The following PPIP5K1 variants were observed in gnomAD, a reference collection of about 807,000 sequenced individuals.
The protein encoded by PPIP5K1 is diphosphoinositol pentakisphosphate kinase 1, also known as inositol hexakisphosphate and diphosphoinositol-pentakisphosphate kinase 1.
In PPIP5K1, 6 loss-of-function variants were observed where a neutral mutation model predicts 27.7. That is an observed-to-expected ratio of 0.22 (90% confidence interval 0.12 to 0.43). PPIP5K1 has a LOEUF of 0.43. PPIP5K1 is among the 20% of genes least tolerant of loss of function. The pLI is 1.00. For missense variants in PPIP5K1, 394 were observed against 635.4 expected (o/e 0.62, Z 4.08); for synonymous variants, 145 against 242.6 (o/e 0.60, Z 3.74).
chr15:43,539,539 ATGGGTTATCTGAGGCC>A lies in PPIP5K1; in HGVS notation c.3585_3600del (p.Gln1195HisfsTer44). 1 of 1,610,612 alleles carries A rather than the reference ATGGGTTATCTGAGGCC, an allele frequency of 6.2e-7. No homozygotes were observed. The highest frequency in any genetic ancestry group is 1.3e-5 in the African/African-American group (1 of 74,966). On this transcript the variant is annotated frameshift_variant, in exon 31 of 32. Coordinates refer to ENST00000420765, the MANE Select transcript of PPIP5K1 (RefSeq NM_001394395.1). LOFTEE classifies it high-confidence loss of function. ...GAATGAAGAGTACGTGGTGGAGAAA[ATGGGTTATCTGAGGCC>A]TGGCTGCTGTGCATGGAATCAAAGA...
intron 30 of PPIP5K1, among the ~76,000 whole-genome samples, chr15:43,543,935 T>C (rs2081077726): frequency 6.6e-6 from 1 of 152,036 alleles, no homozygotes; most frequent in Admixed American, 6.6e-5. Flanking sequence ...AAAGAACTGA[T>C]AAAGTATTCT....
chr15:43,558,759 G>T, intron 30 of PPIP5K1, 36 bp downstream of exon 30: 1 of 1,610,334 alleles, frequency 6.2e-7, no homozygotes, highest in Non-Finnish European at 8.5e-7. Flanking sequence ...GGGCATGGGG[G>T]CAGAGAGAAG....
intron 30 of PPIP5K1, among the ~76,000 whole-genome samples, chr15:43,553,127 C>T (rs991988146): frequency 1.3e-5 from 2 of 152,286 alleles, no homozygotes; most frequent in South Asian, 4.1e-4. Context: ...TAGCATCATT[C>T]CATTGTGGTT....
chr15:43,542,939 T>C (rs1009141827), intron 30 of PPIP5K1, among the ~76,000 whole-genome samples: 1 of 152,086 alleles, frequency 6.6e-6, no homozygotes, highest in Non-Finnish European at 1.5e-5. Context: ...TTCAGCCTCC[T>C]GAGTAGCTAC....
chr15:43,535,411 T>C lies in PPIP5K1; in HGVS notation c.3736A>G (p.Asn1246Asp). The change falls in exon 32 of 32, where the codon AAC becomes GAC. Residue 1246 changes from asparagine to aspartate, a missense_variant. Around this residue, in one of 4 missense-constraint regions of PPIP5K1, gnomAD observed 379 missense variants for 423.9 expected, o/e 0.89. Coordinates refer to ENST00000420765, the MANE Select transcript of PPIP5K1 (RefSeq NM_001394395.1). ...TGATCACTGAAGCCAAATTGGGAGT[T>C]ACCATCTACTGTAGTAGGGGAAGAA... ...GPSSPTTVDG[N>D]SQFGFSDQPS... is the part of the protein sequence containing the mutation. The C allele has an allele frequency of 1.2e-6, 2 of 1,613,676 alleles. No homozygotes were observed. Among genetic ancestry groups the C allele is most frequent in the Non-Finnish European group, 1.7e-6 (2 of 1,179,812 alleles).
intron 31 of PPIP5K1, chr15:43,536,187 G>A (rs749463464): frequency 3.2e-5 from 28 of 869,052 alleles, no homozygotes; most frequent in Non-Finnish European, 4.4e-5. Flanking sequence ...GGGAGGCCGA[G>A]GCAGGCAGAT....
intron 30 of PPIP5K1, among the ~76,000 whole-genome samples, chr15:43,555,564 G>C (rs994713213): frequency 6.6e-6 from 1 of 152,142 alleles, no homozygotes; most frequent in Non-Finnish European, 1.5e-5. Flanking sequence ...GGGATTACAG[G>C]TGTGAGCCAC....
Position 43,534,483 on chromosome 15 carries a change from C to T in PPIP5K1, c.*191G>A. ...GTGAGTTAGCCAACAGAAAAGGTTG[C>T]TGGCTCAAATGGCTGGTATAGTGTG... On this transcript the variant is annotated 3_prime_UTR_variant, in exon 32 of 32. Coordinates refer to ENST00000420765, the MANE Select transcript of PPIP5K1 (RefSeq NM_001394395.1). The T allele has an allele frequency of 2.0e-6, 1 of 499,200 alleles. No homozygotes were observed. Among genetic ancestry groups the T allele is most frequent in the Non-Finnish European group, 3.4e-6 (1 of 291,886 alleles). 30.9% of individuals were successfully genotyped at this position (499,200 alleles called of 1,614,324 possible). A position where few individuals can be genotyped will look rare whatever the true frequency, so the allele number is the denominator to read the frequency against.
At chr15:43,539,371 A>G (rs1895927082) in intron 31 of PPIP5K1, 99 bp downstream of exon 31, 1 of 875,832 alleles carries the variant, frequency 1.1e-6, no homozygotes, top group Non-Finnish European at 1.9e-6. Flanking sequence ...CTGGTCTTTC[A>G]AGCCCCACCT....
intron 10 of PPIP5K1, among the ~76,000 whole-genome samples, chr15:43,579,505 A>G (rs951855580): frequency 1.0e-5 from 1 of 98,636 alleles, no homozygotes; most frequent in Non-Finnish European, 1.7e-5. Context: ...ACATATGTGT[A>G]TATAGATGCA....
At chr15:43,536,227 TG>T in intron 31 of PPIP5K1, 1 of 451,448 alleles carries the variant, frequency 2.2e-6, no homozygotes, top group Non-Finnish European at 3.7e-6. Context: ...TAAACCAGCC[TG>T]GCCAACATGG....
chr15:43,558,962 G>C (rs1476320303), intron 29 of PPIP5K1, 30 bp from the exon 30 acceptor site: 3 of 1,610,822 alleles, frequency 1.9e-6, no homozygotes, highest in Non-Finnish European at 2.5e-6. Context: ...CAAAGTCAAT[G>C]TTACTCCTGC....
intron 30 of PPIP5K1, among the ~76,000 whole-genome samples, chr15:43,556,045 C>T (rs973919567): frequency 1.3e-5 from 2 of 152,014 alleles, no homozygotes; most frequent in African/African-American, 4.8e-5. Flanking sequence ...CTGGGCCGGG[C>T]GCAGTGACTC....
chr15:43,541,234 C>T (rs2080656124), intron 30 of PPIP5K1, among the ~76,000 whole-genome samples: 1 of 152,008 alleles, frequency 6.6e-6, no homozygotes, highest in Non-Finnish European at 1.5e-5. Flanking sequence ...CACCTCAGCA[C>T]CTTGAGTAGC....
intron 31 of PPIP5K1, among the ~76,000 whole-genome samples, chr15:43,535,872 C>T (rs924254914): frequency 6.6e-6 from 1 of 152,172 alleles, no homozygotes; most frequent in Non-Finnish European, 1.5e-5. Context: ...TACTAATTTC[C>T]AGTTTTCAAC....
chr15:43,559,367 A>G (rs937676976), intron 29 of PPIP5K1, among the ~76,000 whole-genome samples: 1 of 152,216 alleles, frequency 6.6e-6, no homozygotes, highest in Non-Finnish European at 1.5e-5. Flanking sequence ...GGTATCATGA[A>G]TAAGAGAACC....
At chr15:43,551,620 T>TTTTTTTTTTTTTTTA (rs1567047110) in intron 30 of PPIP5K1, among the ~76,000 whole-genome samples, 2 of 124,738 alleles carry the variant, frequency 1.6e-5, no homozygotes, top group East Asian at 2.2e-4. Flanking sequence ...TTTTTTTTTT[T>TTTTTTTTTTTTTTTA]GAGACGGAGT....
chr15:43,538,321 C>G (rs1399048325), intron 31 of PPIP5K1, among the ~76,000 whole-genome samples: 2 of 152,238 alleles, frequency 1.3e-5, no homozygotes, highest in African/African-American at 4.8e-5. Context: ...CCACCAGTAG[C>G]TCCTCCTCTC....
rs182142687 is a variant in PPIP5K1, at chr15:43,539,126, G to A, written c.3670+344C>T. ...CTTGGGAGGCTGAGGCAGGAGAATCGCTTGAACCAGGGAGGCAGACGTTGC... is the reference window on the plus strand; with the variant it reads ...CTTGGGAGGCTGAGGCAGGAGAATCACTTGAACCAGGGAGGCAGACGTTGC... On this transcript the variant is annotated intron_variant, in intron 31 of 31. Transcript: ENST00000420765. 2.1e-3 allele frequency among the ~76,000 whole-genome samples: 314 copies of A among 151,834 alleles called. 2 individuals carry two copies. The highest frequency in any genetic ancestry group is 3.0e-3 in the Non-Finnish European group (206 of 67,956).
Sources: allele counts gnomAD v4.1 joint callset (sites outside exome capture counted in the v4.1 genomes callset), GRCh38; gene constraint gnomAD v4.1.1; regional missense constraint gnomAD v4.1.1; transcripts MANE v1.5; gene names NCBI Gene and HGNC (gene_info 2026-07-23, HGNC 2026-07-21).